Variants in PIWIL1 observed in about 807,000 individuals in gnomAD.
The protein encoded by PIWIL1 is piwi-like protein 1.
Under a neutral mutation model 114.4 loss-of-function variants are expected in PIWIL1, and 73 were observed. The observed-to-expected ratio is 0.64, with a 90% CI of 0.53 to 0.78. The LOEUF is 0.78. Among genes scored for constraint, PIWIL1 ranks in the 30% least tolerant of loss-of-function variants. PIWIL1 has a pLI of 0.00. For synonymous variants in PIWIL1, 375 were observed against 369.0 expected, an observed-to-expected ratio of 1.02 and a Z score of -0.19; for missense variants, 723 against 1,063.1, an observed-to-expected ratio of 0.68 and a Z score of 4.45.
chr12:130,375,829 C>T (rs2073862708), downstream of PIWIL1, among the ~76,000 whole-genome samples: 1 of 152,134 alleles, frequency 6.6e-6, no homozygotes, highest in Admixed American at 6.5e-5. Context: ...GCCAGCTGTT[C>T]AATTCCTGGC....
the PIWIL1 span, among the ~76,000 whole-genome samples, chr12:130,423,744 A>G: frequency 6.6e-6 from 1 of 151,680 alleles, no homozygotes. Flanking sequence ...AAAACTCCAA[A>G]ATAACAAGGA....
chr12:130,396,028 A>ACTC, the PIWIL1 span: 1 of 148,958 alleles, frequency 6.7e-6, no homozygotes, highest in Admixed American at 6.7e-5. Flanking sequence ...AAAAAAAAAT[A>ACTC]CTCCCAGAAA....
the PIWIL1 span, among the ~76,000 whole-genome samples, chr12:130,381,615 G>A: frequency 6.6e-6 from 1 of 152,126 alleles, no homozygotes; most frequent in Non-Finnish European, 1.5e-5. Context: ...GAATAAAACT[G>A]CCATAAACAT....
the PIWIL1 span, among the ~76,000 whole-genome samples, chr12:130,418,102 T>C: frequency 6.6e-6 from 1 of 152,222 alleles, no homozygotes; most frequent in Non-Finnish European, 1.5e-5. Flanking sequence ...CCGTTTGGCC[T>C]CTTTCACCAG....
chr12:130,345,978 T>G, intron 4 of PIWIL1, 100 bp downstream of exon 4: 2 of 1,275,664 alleles, frequency 1.6e-6, no homozygotes, highest in Non-Finnish European at 2.2e-6. Flanking sequence ...CCAAGGATCC[T>G]GCATGGCTTT....
At chr12:130,393,373 A>G in the PIWIL1 span, among the ~76,000 whole-genome samples, 95 of 44,062 alleles carry the variant, frequency 2.2e-3, no homozygotes, top group African/African-American at 5.8e-3. Context: ...TGCATATTGA[A>G]TGTTGTGATG....
At chr12:130,401,937 C>T in the PIWIL1 span, among the ~76,000 whole-genome samples, 2 of 152,126 alleles carry the variant, frequency 1.3e-5, no homozygotes, top group African/African-American at 2.4e-5. Flanking sequence ...CCACAAGAGG[C>T]GTGTGTACCC....
chr12:130,413,255 C>G, the PIWIL1 span, among the ~76,000 whole-genome samples: 2 of 152,184 alleles, frequency 1.3e-5, no homozygotes, highest in South Asian at 4.1e-4. Flanking sequence ...AAACTGCAAA[C>G]AGGGTTCAAG....
At chr12:130,392,811 C>A in the PIWIL1 span, among the ~76,000 whole-genome samples, 10 of 97,814 alleles carry the variant, frequency 1.0e-4, no homozygotes, top group African/African-American at 3.3e-4. Flanking sequence ...CCGTCAGTTA[C>A]CTGGTGAGTA....
chr12:130,374,704 C>A (rs968400191), downstream of PIWIL1, among the ~76,000 whole-genome samples: 9 of 152,206 alleles, frequency 5.9e-5, no homozygotes, highest in Non-Finnish European at 1.2e-4. Context: ...GGGAACCCCA[C>A]GACCAGTGGC....
intron 12 of PIWIL1, 67 bp downstream of exon 12, chr12:130,355,734 G>A: frequency 1.8e-6 from 2 of 1,081,438 alleles, no homozygotes; most frequent in Non-Finnish European, 2.9e-6. Flanking sequence ...CCCCCAGGCA[G>A]GAGTACAGTG....
At chr12:130,357,856 A>G (rs546027397) in intron 14 of PIWIL1, among the ~76,000 whole-genome samples, 2 of 152,338 alleles carry the variant, frequency 1.3e-5, no homozygotes, top group South Asian at 4.1e-4. Flanking sequence ...AGAAAAGCAC[A>G]GAGGTAAAAA....
chr12:130,405,150 G>A, the PIWIL1 span, among the ~76,000 whole-genome samples: 9 of 152,112 alleles, frequency 5.9e-5, no homozygotes, highest in Non-Finnish European at 1.0e-4. Context: ...ACATTTGACC[G>A]CATGCAAACG....
chr12:130,406,748 G>T, the PIWIL1 span, among the ~76,000 whole-genome samples: 1 of 152,164 alleles, frequency 6.6e-6, no homozygotes, highest in African/African-American at 2.4e-5. Flanking sequence ...TCGGGTTCAA[G>T]CAATTGTTCT....
intron 18 of PIWIL1, among the ~76,000 whole-genome samples, chr12:130,363,548 T>G (rs2073571029): frequency 6.6e-6 from 1 of 152,004 alleles, no homozygotes; most frequent in Non-Finnish European, 1.5e-5. Context: ...TGACTAGTGT[T>G]TGATCAGTAA....
chr12:130,341,591 CTAA>C (rs1191536006), intron 1 of PIWIL1, among the ~76,000 whole-genome samples: 4 of 152,216 alleles, frequency 2.6e-5, no homozygotes, highest in African/African-American at 4.8e-5. Flanking sequence ...TCCATTAGGG[CTAA>C]TGTTTGTTGA....
In PIWIL1 at chr12:130,371,514, C is replaced by G; in HGVS notation, c.2502C>G (p.Tyr834Ter). The change falls in exon 21 of 21, where the codon TAC (tyrosine) becomes TAG (stop). Residue 834 changes from tyrosine to a stop codon, truncating the protein, a stop_gained. Coordinates refer to ENST00000245255, the MANE Select transcript of PIWIL1 (RefSeq NM_004764.5). LOFTEE classifies it high-confidence loss of function. ...GVIRVPAPCQYAHKLAFLVGQ... is the reference protein window; with the variant it reads ...GVIRVPAPCQ ...TTCGTGTTCCTGCTCCTTGCCAGTA[C>G]GCCCACAAGCTGGCTTTTCTTGTTG... The G allele has an allele frequency of 1.9e-6, 3 of 1,614,144 alleles. No homozygotes were observed. The highest frequency in any genetic ancestry group is 2.5e-6 in the Non-Finnish European group (3 of 1,180,000).
At chr12:130,412,886 T>A in the PIWIL1 span, 1 of 1,122,092 alleles carries the variant, frequency 8.9e-7, no homozygotes, top group Non-Finnish European at 1.2e-6. Context: ...AAAATATATT[T>A]TAAATATAGT....
At chr12:130,377,099 C>A (rs1235517542), downstream of PIWIL1, among the ~76,000 whole-genome samples, 1 of 152,198 alleles carries the variant, frequency 6.6e-6, no homozygotes, top group African/African-American at 2.4e-5. Context: ...TCACTGGTAT[C>A]ATTAGCTAGT....
Sources: allele counts gnomAD v4.1 joint callset (sites outside exome capture counted in the v4.1 genomes callset), GRCh38; gene constraint gnomAD v4.1.1; transcripts MANE v1.5; gene names NCBI Gene and HGNC (gene_info 2026-07-23, HGNC 2026-07-21).